SLC45A4: variants seen among roughly 807,000 people sequenced by gnomAD.
SLC45A4 encodes the protein solute carrier family 45 member 4, also known as polyamine-transporter SLC45A4.
SLC45A4 carries 32 observed loss-of-function variants against 63.7 expected under a neutral mutation model. That is an observed-to-expected ratio of 0.50 (90% confidence interval 0.38 to 0.67). The LOEUF is 0.67. Among genes scored for constraint, SLC45A4 ranks in the 30% least tolerant of loss-of-function variants. The pLI, the probability that SLC45A4 is intolerant of heterozygous loss-of-function variation, is 0.00. For missense variants in SLC45A4, 1,027 were observed against 1,157.7 expected (o/e 0.89, Z 1.64); for synonymous variants, 535 against 510.0 (o/e 1.05, Z -0.66).
rs917949821 is a variant in SLC45A4 at position 141,219,576 on chromosome 8, G to A, written c.610+74C>T. 2.7e-6 allele frequency: 4 copies of A among 1,492,898 alleles called. No homozygotes were observed. In the African/African-American group the frequency reaches 5.5e-5, roughly 21 times the overall value. The allele number at this position is 1,492,898 out of a possible 1,614,324, so 92.5% of individuals were successfully genotyped here. ...TGATGAGGCAGCGCTGACAACACAG[G>A]CTCCTGTCCCCTCCCCACACCAGGC... On this transcript the variant is annotated intron_variant, in intron 4 of 8. Transcript: ENST00000517878.
chr8:141,228,043 A>G, intron 2 of SLC45A4: 1 of 1,038,484 alleles, frequency 9.6e-7, no homozygotes, highest in East Asian at 2.5e-5. Flanking sequence ...CCTCATTTCT[A>G]GAGGGTGAGG....
rs747285672 is a variant in SLC45A4 at position 141,219,753 on chromosome 8, G to A, written c.507C>T (p.Asp169=). The change falls in exon 4 of 9, where the codon GAC becomes GAT. Residue 169 remains aspartate (D), a synonymous_variant. Transcript: ENST00000517878. ...GCCCCTCGGTGGCATCGGCGCTGAA[G>A]TCCAGGACCACCACTCCCAGCACCG... The part of the protein sequence containing the change: ...VLTVLGVVVL[D]FSADATEGPI... 9 of 1,603,400 alleles carry A rather than the reference G, an allele frequency of 5.6e-6. No individual in the cohort carries two copies. In the East Asian group the frequency reaches 1.8e-4, roughly 32 times the overall value.
At chr8:141,231,644 C>T (rs761462705) in intron 2 of SLC45A4, among the ~76,000 whole-genome samples, 1 of 152,232 alleles carries the variant, frequency 6.6e-6, no homozygotes, top group African/African-American at 2.4e-5. Context: ...AAAGAACCCT[C>T]GAGCCAAGGT....
chr8:141,256,406 T>C lies in SLC45A4; in HGVS notation c.-400-1777A>G, dbSNP rs1287851358. 1 of 366,760 alleles carries C rather than the reference T, an allele frequency of 2.7e-6. No homozygotes were observed. The highest frequency in any genetic ancestry group is 5.5e-6 in the Non-Finnish European group (1 of 183,412). 22.7% of individuals were successfully genotyped at this position (366,760 alleles called of 1,614,324 possible). On this transcript the variant is annotated intron_variant, in intron 1 of 8. Coordinates refer to ENST00000517878, the MANE Select transcript of SLC45A4 (RefSeq NM_001286646.2). The surrounding 1 kb of genome is among the most constrained non-coding windows in gnomAD (Gnocchi z 4.3). The stretch of plus-strand genomic sequence containing the variant: ...TCATTACTTTCCACCGAACCAAAGG[T>C]GGTCTTAATTAGCTCCTCCTCTCTT...
chr8:141,288,643 G>A (rs560388539), intron 1 of SLC45A4, among the ~76,000 whole-genome samples: 1 of 152,388 alleles, frequency 6.6e-6, no homozygotes, highest in African/African-American at 2.4e-5. Flanking sequence ...CTGTCCTGCA[G>A]GACTGAGGCA....
chr8:141,215,789 G>C lies in SLC45A4; in HGVS notation c.1911C>G (p.Ala637=). ...VSMSISYCPY[A]LLGQYHDIKQ... Reference sequence around the variant, plus strand: ...TGATGTCATGGTACTGGCCCAGCAGGGCGTACGGGCAGTAGGAGATGCTCA... The same window carrying C: ...TGATGTCATGGTACTGGCCCAGCAGCGCGTACGGGCAGTAGGAGATGCTCA... The change falls in exon 7 of 9, where the codon GCC becomes GCG. Residue 637 remains alanine (A), a synonymous_variant. Coordinates refer to ENST00000517878, the MANE Select transcript of SLC45A4 (RefSeq NM_001286646.2). This position sits in a 1 kb window ranked among gnomAD's most constrained non-coding sequence, Gnocchi z 4.3. 6.2e-7 allele frequency: 1 copy of C among 1,613,908 alleles called. No individual in the cohort carries two copies. The highest frequency in any genetic ancestry group is 8.5e-7 in the Non-Finnish European group (1 of 1,180,018).
intron 1 of SLC45A4, among the ~76,000 whole-genome samples, chr8:141,272,164 A>C (rs938217734): frequency 1.3e-5 from 2 of 152,242 alleles, no homozygotes; most frequent in Non-Finnish European, 2.9e-5. Context: ...CTGATCTTCA[A>C]AACTATATAA....
intron 1 of SLC45A4, among the ~76,000 whole-genome samples, chr8:141,290,248 C>T (rs941967766): frequency 1.3e-5 from 2 of 152,052 alleles, no homozygotes; most frequent in East Asian, 3.9e-4. Context: ...GAGCTCACCA[C>T]ACGTGCAGGT....
At chr8:141,268,148 G>A (rs1432880399) in intron 1 of SLC45A4, among the ~76,000 whole-genome samples, 1 of 152,206 alleles carries the variant, frequency 6.6e-6, no homozygotes, top group African/African-American at 2.4e-5. Flanking sequence ...GAGCTCTGAC[G>A]CCATGCACGA....
chr8:141,253,010 T>TCC (rs1828576734), intron 2 of SLC45A4, among the ~76,000 whole-genome samples: 6 of 132,674 alleles, frequency 4.5e-5, no homozygotes, highest in Admixed American at 1.6e-4. Flanking sequence ...TGTGCGTCTG[T>TCC]GAATTTCCGT....
Position 141,218,878 on chromosome 8 carries a change from G to C in SLC45A4, c.762C>G (p.Asp254Glu). 6.2e-7 allele frequency: 1 copy of C among 1,613,606 alleles called. No individual in the cohort carries two copies. Among genetic ancestry groups the C allele is most frequent in the Admixed American group, 1.7e-5 (1 of 60,034 alleles). Reference protein sequence around the residue: ...VSVALHLFSIDEEQYSPQQER... With the variant: ...VSVALHLFSIEEEQYSPQQER... Reference sequence around the variant, plus strand: ...CCTGCTGCGGGCTGTACTGCTCCTCGTCGATGCTGAACAGGTGCAGGGCCA... The same window carrying C: ...CCTGCTGCGGGCTGTACTGCTCCTCCTCGATGCTGAACAGGTGCAGGGCCA... Residue 254 changes from aspartate (D) to glutamate (E), a missense_variant, in exon 5 of 9, where the codon GAC (aspartate) becomes GAG (glutamate). By Grantham distance (45) the Asp-to-Glu change is conservative (BLOSUM62 2). Coordinates refer to ENST00000517878, the MANE Select transcript of SLC45A4 (RefSeq NM_001286646.2).
intron 2 of SLC45A4, among the ~76,000 whole-genome samples, chr8:141,251,021 C>T (rs913194853): frequency 6.6e-6 from 1 of 152,170 alleles, no homozygotes; most frequent in African/African-American, 2.4e-5. Context: ...TAGGGAAAAG[C>T]AGTTCCTAAT....
At chr8:141,244,513 G>A (rs1828072858) in intron 2 of SLC45A4, among the ~76,000 whole-genome samples, 1 of 152,156 alleles carries the variant, frequency 6.6e-6, no homozygotes, top group African/African-American at 2.4e-5. Context: ...AGGAGGGAGA[G>A]GGCAACCTTC....
At position 141,308,156 on chromosome 8, in the gene SLC45A4, C is replaced by A. The variant is rs967957033; in HGVS notation, c.-461G>T. 4 of 147,450 alleles carry A rather than the reference C, an allele frequency of 2.7e-5. No homozygotes were observed. The highest frequency in any genetic ancestry group is 6.8e-5 in the Admixed American group (1 of 14,794). 9.1% of individuals were successfully genotyped at this position (147,450 alleles called of 1,614,324 possible). On this transcript the variant is annotated 5_prime_UTR_variant, in exon 1 of 9. Coordinates refer to ENST00000517878, the MANE Select transcript of SLC45A4 (RefSeq NM_001286646.2). Reference sequence around the variant, plus strand: ...GCGGCCGGGCCGGGCCGGGCAGGGGCTACGGGGGCGCGGAGCCCCGGGCGC... The same window carrying A: ...GCGGCCGGGCCGGGCCGGGCAGGGGATACGGGGGCGCGGAGCCCCGGGCGC...
At chr8:141,255,453 A>C (rs1828729767) in intron 1 of SLC45A4, among the ~76,000 whole-genome samples, 1 of 152,194 alleles carries the variant, frequency 6.6e-6, no homozygotes, top group Non-Finnish European at 1.5e-5. Context: ...CGGTGGCTTA[A>C]GTCTGTAATC....
chr8:141,276,594 C>T (rs531226630), intron 1 of SLC45A4, among the ~76,000 whole-genome samples: 2 of 152,142 alleles, frequency 1.3e-5, no homozygotes, highest in Non-Finnish European at 2.9e-5. Flanking sequence ...GGATCCTTGG[C>T]GGGGACCTCA....
intron 1 of SLC45A4, among the ~76,000 whole-genome samples, chr8:141,259,404 T>G (rs1005370102): frequency 2.0e-5 from 3 of 152,288 alleles, no homozygotes; most frequent in African/African-American, 7.2e-5. Flanking sequence ...GTGCTGCCCA[T>G]TGGTCGAGGG....
At chr8:141,219,281 C>T (rs1474228940) in intron 4 of SLC45A4, among the ~76,000 whole-genome samples, 8 of 152,254 alleles carry the variant, frequency 5.3e-5, no homozygotes, top group African/African-American at 1.7e-4. Flanking sequence ...TGCAAGTGTG[C>T]GCCTCTCTGC....
chr8:141,212,850 G>A (rs193113159), intron 7 of SLC45A4, among the ~76,000 whole-genome samples: 5 of 152,316 alleles, frequency 3.3e-5, no homozygotes, highest in African/African-American at 1.2e-4. Context: ...AAGGAGAGGT[G>A]GCAGGGCCAG....
Sources: allele counts gnomAD v4.1 joint callset (sites outside exome capture counted in the v4.1 genomes callset), GRCh38; gene constraint gnomAD v4.1.1; non-coding constraint Gnocchi (gnomAD v3.1); transcripts MANE v1.5; gene names NCBI Gene and HGNC (gene_info 2026-07-23, HGNC 2026-07-21).